CSMD1: variants seen among roughly 807,000 people sequenced by gnomAD.
CSMD1 encodes the protein CUB and Sushi multiple domains 1, also known as CUB and sushi domain-containing protein 1.
A neutral mutation model predicts 417.5 loss-of-function variants in CSMD1; 213 were observed. The observed-to-expected ratio is 0.51, with a 90% CI of 0.46 to 0.57. CSMD1 has a LOEUF of 0.57. Among genes scored for constraint, CSMD1 ranks in the 20% least tolerant of loss-of-function variants. The pLI is 0.00. For missense variants in CSMD1, 6,923 were observed against 4,529.7 expected (o/e 1.53, Z -15.17); for synonymous variants, 2,862 against 1,736.8 (o/e 1.65, Z -16.11).
chr8:3,671,026 A>ATG (rs1798996552), intron 7 of CSMD1, among the ~76,000 whole-genome samples: 1 of 105,088 alleles, frequency 9.5e-6, no homozygotes, highest in Non-Finnish European at 2.1e-5. Flanking sequence ...TATATGGGAT[A>ATG]TATGCATATG....
intron 2 of CSMD1, among the ~76,000 whole-genome samples, chr8:4,534,265 C>T (rs922280723): frequency 1.2e-4 from 18 of 152,150 alleles, no homozygotes; most frequent in South Asian, 4.1e-4. Context: ...TGCTGAAGGA[C>T]GCCCAAGGAT....
At position 3,118,460 on chromosome 8, in the gene CSMD1, A is replaced by T; in HGVS notation, c.6369T>A (p.Pro2123=). 1 of 1,613,974 alleles carries T rather than the reference A, an allele frequency of 6.2e-7. No homozygotes were observed. Among genetic ancestry groups the T allele is most frequent in the Non-Finnish European group, 8.5e-7 (1 of 1,179,848 alleles). ...TGATCCCATGCTGACAAGTGAGGAC[A>T]GGATGGCCTATTAGAATGTACCCAG... is the stretch of plus-strand genomic sequence containing the variant. The part of the protein sequence containing the change: ...CYPGYILIGH[P]VLTCQHGINR... The change falls in exon 42 of 70, where the codon CCT becomes CCA. Residue 2123 remains proline, a synonymous_variant. Coordinates refer to ENST00000635120, the MANE Select transcript of CSMD1 (RefSeq NM_033225.6).
rs1404808460 is a variant in CSMD1, at chr8:2,955,465, G to A, written c.9994+124C>T. ...ACGCACATGAAGCACGACTGAGGCA[G>A]GTGGCGATGCTGCAGCCTCATGCTC... On this transcript the variant is annotated intron_variant, in intron 64 of 69. Coordinates refer to ENST00000635120, the MANE Select transcript of CSMD1 (RefSeq NM_033225.6). 2.5e-5 allele frequency: 21 copies of A among 827,106 alleles called. No individual in the cohort carries two copies. The East Asian group carries it at 4.4e-4, about 18-fold the overall frequency. The allele number at this position is 827,106 out of a possible 1,614,324, so 51.2% of individuals were successfully genotyped here.
At chr8:4,428,297 C>G (rs551746964) in intron 2 of CSMD1, among the ~76,000 whole-genome samples, 1 of 152,190 alleles carries the variant, frequency 6.6e-6, no homozygotes, top group Admixed American at 6.5e-5. Flanking sequence ...ACCAAGACAA[C>G]TACTTCACAT....
intron 2 of CSMD1, among the ~76,000 whole-genome samples, chr8:4,471,699 G>C (rs141772321): frequency 2.0e-5 from 3 of 151,878 alleles, no homozygotes; most frequent in Non-Finnish European, 4.4e-5. Flanking sequence ...GAGAGAACAC[G>C]ACCCATCTTC....
At chr8:4,406,656 T>TCC (rs1416266184) in intron 3 of CSMD1, among the ~76,000 whole-genome samples, 1 of 152,082 alleles carries the variant, frequency 6.6e-6, no homozygotes, top group Admixed American at 6.6e-5. Context: ...GCATGGGCAC[T>TCC]CCTCCTGGCC....
At chr8:3,963,681 G>C (rs958036824) in intron 5 of CSMD1, among the ~76,000 whole-genome samples, 1 of 152,154 alleles carries the variant, frequency 6.6e-6, no homozygotes, top group Non-Finnish European at 1.5e-5. Context: ...ATGTGTGTAA[G>C]TGAATATACA....
At chr8:3,136,950 T>C (rs933176455) in intron 41 of CSMD1, among the ~76,000 whole-genome samples, 2 of 152,226 alleles carry the variant, frequency 1.3e-5, no homozygotes, top group Non-Finnish European at 2.9e-5. Context: ...ACATATTTTT[T>C]TTAAATTTTA....
chr8:4,795,994 A>C (rs1797961594), intron 1 of CSMD1, among the ~76,000 whole-genome samples: 1 of 152,204 alleles, frequency 6.6e-6, no homozygotes, highest in Non-Finnish European at 1.5e-5. Context: ...TATGTCATAA[A>C]GCAAAGAAAC....
At chr8:4,486,544 T>C (rs904684122) in intron 2 of CSMD1, among the ~76,000 whole-genome samples, 3 of 152,054 alleles carry the variant, frequency 2.0e-5, no homozygotes, top group African/African-American at 7.2e-5. Flanking sequence ...GTAATATTTT[T>C]GAAGTAAGCA....
chr8:4,672,503 G>C (rs956573481), intron 1 of CSMD1, among the ~76,000 whole-genome samples: 3 of 152,154 alleles, frequency 2.0e-5, no homozygotes, highest in African/African-American at 7.2e-5. Context: ...ATGAAAAAAA[G>C]CTTTAATAAG....
At chr8:4,674,939 G>T (rs948739532) in intron 1 of CSMD1, among the ~76,000 whole-genome samples, 1 of 152,184 alleles carries the variant, frequency 6.6e-6, no homozygotes, top group East Asian at 1.9e-4. Context: ...TAGAGAGGCT[G>T]CTTCCTCATT....
At chr8:3,232,332 C>A (rs557677440) in intron 26 of CSMD1, among the ~76,000 whole-genome samples, 1 of 152,254 alleles carries the variant, frequency 6.6e-6, no homozygotes, top group Non-Finnish European at 1.5e-5. Flanking sequence ...AACTGGAATA[C>A]ATATTGCAAG....
intron 1 of CSMD1, among the ~76,000 whole-genome samples, chr8:4,659,951 T>C (rs562408520): frequency 2.0e-5 from 3 of 152,052 alleles, no homozygotes; most frequent in South Asian, 4.1e-4. Flanking sequence ...CTCTGAAAAC[T>C]AGGAATGAAG....
At chr8:3,650,418 T>A (rs1475179107) in intron 7 of CSMD1, among the ~76,000 whole-genome samples, 2 of 152,168 alleles carry the variant, frequency 1.3e-5, no homozygotes, top group Non-Finnish European at 2.9e-5. Context: ...AAGTCATACA[T>A]ACAAATAAAT....
At chr8:3,922,345 AT>A (rs978507990) in intron 5 of CSMD1, among the ~76,000 whole-genome samples, 67 of 152,142 alleles carry the variant, frequency 4.4e-4, no homozygotes, top group African/African-American at 1.6e-3. Context: ...CTGTCTTTGG[AT>A]TAAAAAAAAA....
chr8:3,318,600 G>C (rs1006468822), intron 23 of CSMD1, among the ~76,000 whole-genome samples: 2 of 152,198 alleles, frequency 1.3e-5, no homozygotes, highest in African/African-American at 2.4e-5. Flanking sequence ...GTGACACAAT[G>C]CTGTGTTTCA....
chr8:4,885,449 G>C (rs1330518044), intron 1 of CSMD1, among the ~76,000 whole-genome samples: 1 of 151,992 alleles, frequency 6.6e-6, no homozygotes, highest in Non-Finnish European at 1.5e-5. Context: ...TTAACATTAA[G>C]TATAATCTTA....
chr8:4,052,395 C>T (rs558984538), intron 3 of CSMD1, among the ~76,000 whole-genome samples: 2 of 152,238 alleles, frequency 1.3e-5, no homozygotes, highest in African/African-American at 2.4e-5. Context: ...TGGCAAAGAC[C>T]TATTTCTCCA....
Sources: allele counts gnomAD v4.1 joint callset (sites outside exome capture counted in the v4.1 genomes callset), GRCh38; gene constraint gnomAD v4.1.1; transcripts MANE v1.5; gene names NCBI Gene and HGNC (gene_info 2026-07-23, HGNC 2026-07-21).